The following SASH1 variants were observed in gnomAD, a reference collection of about 807,000 sequenced individuals.
SASH1 encodes the protein SAM and SH3 domain-containing protein 1.
A neutral mutation model predicts 125.2 loss-of-function variants in SASH1; 44 were observed. The ratio of observed to expected loss-of-function variants is 0.35; its 90% confidence interval spans 0.28 to 0.45. The LOEUF is 0.45. Ranked by LOEUF, SASH1 falls within the 20% of genes least tolerant of loss-of-function variation. SASH1 has a pLI of 1.00. For synonymous variants in SASH1, 639 were observed against 649.1 expected, an observed-to-expected ratio of 0.98 and a Z score of 0.24; for missense variants, 1,426 against 1,614.5, an observed-to-expected ratio of 0.88 and a Z score of 2.00.
At chr6:148,267,566 G>C (rs1778977140), upstream of SASH1, among the ~76,000 whole-genome samples, 1 of 152,056 alleles carries the variant, frequency 6.6e-6, no homozygotes, top group Admixed American at 6.6e-5. Flanking sequence ...TTTTAGTAGA[G>C]ACGGGGTTTC....
At chr6:148,509,450 G>C (rs11758014) in intron 8 of SASH1, 18,730 of 155,690 alleles carry the variant, frequency 0.12, 1,217 homozygotes, top group African/African-American at 0.15. Flanking sequence ...TTGTGACAGC[G>C]TGTCGTGTGT....
intron 18 of SASH1, among the ~76,000 whole-genome samples, chr6:148,545,356 A>G (rs967326803): frequency 6.6e-6 from 1 of 152,224 alleles, no homozygotes; most frequent in Admixed American, 6.5e-5. Context: ...TAAAATTCTC[A>G]TGACAATGAA....
chr6:148,527,255 T>G (rs1781233212), intron 11 of SASH1, 198 bp from the exon 12 acceptor site: 1 of 490,982 alleles, frequency 2.0e-6, no homozygotes, highest in East Asian at 3.7e-5. Context: ...ACATCCCACT[T>G]TAAGCAAACA....
Position 148,522,274 on chromosome 6 carries a change from A to G in SASH1, c.1209+2381A>G, listed in dbSNP as rs148518145. On this transcript the variant is annotated intron_variant, in intron 10 of 19. Transcript: ENST00000367467. ...CCTTTTCTTGTAGTACAGTTGTACA[A>G]TCAAACAAATTTAACTTTCTAATTA... Among the ~76,000 whole-genome samples, 278 of 152,360 alleles carry G rather than the reference A, an allele frequency of 1.8e-3. 1 individual carries two copies. Among genetic ancestry groups the G allele is most frequent in the African/African-American group, 6.5e-3 (272 of 41,586 alleles).
chr6:148,436,354 A>G (rs1776290452), intron 2 of SASH1, among the ~76,000 whole-genome samples: 1 of 152,016 alleles, frequency 6.6e-6, no homozygotes. Flanking sequence ...GTAGCCAGGC[A>G]TGATGGCATG....
intron 10 of SASH1, among the ~76,000 whole-genome samples, chr6:148,521,994 GAA>G (rs1780843588): frequency 6.6e-6 from 1 of 152,196 alleles, no homozygotes; most frequent in Non-Finnish European, 1.5e-5. Flanking sequence ...CTTGTCTCTA[GAA>G]GTTATATTTC....
chr6:148,392,521 C>A (rs1192905892), intron 2 of SASH1, among the ~76,000 whole-genome samples: 2 of 152,140 alleles, frequency 1.3e-5, no homozygotes, highest in African/African-American at 4.8e-5. Context: ...GGTTGGGTAC[C>A]ACTGCCCTAT....
intron 8 of SASH1, among the ~76,000 whole-genome samples, chr6:148,498,762 T>C (rs1779427907): frequency 6.6e-6 from 1 of 152,248 alleles, no homozygotes; most frequent in Non-Finnish European, 1.5e-5. Context: ...TTTTTTATTG[T>C]GCTCTTGGGA....
rs749886117 is a variant in SASH1, at chr6:148,343,200, T to C, written c.133T>C (p.Trp45Arg). ...AGTSEAFSRL[W>R]TDVMGILDGS... Reference sequence around the variant, plus strand: ...CACATCCGAGGCGTTCTCCCGACTCTGGACCGACGTGATGGGTATCCTGGT... The same window carrying C: ...CACATCCGAGGCGTTCTCCCGACTCCGGACCGACGTGATGGGTATCCTGGT... Residue 45 changes from tryptophan to arginine, a missense_variant, in exon 1 of 20, where the codon TGG becomes CGG. Trp to Arg is a moderately radical substitution (Grantham distance 101). This residue lies in a region of SASH1 where 567 missense variants were observed against 575.6 expected (regional missense o/e 0.99). Coordinates refer to ENST00000367467, the MANE Select transcript of SASH1 (RefSeq NM_015278.5). 1 of 1,598,142 alleles carries C rather than the reference T, an allele frequency of 6.3e-7. No homozygotes were observed. The highest frequency in any genetic ancestry group is 1.1e-5 in the South Asian group (1 of 90,770).
chr6:148,302,311 CAAAAA>C (rs1174644909), intron 1 of SASH1, among the ~76,000 whole-genome samples: 1,105 of 44,714 alleles, frequency 0.025, 24 homozygotes, highest in African/African-American at 0.078. Flanking sequence ...GACTCCGTCT[CAAAAA>C]AAAAAAAAAA....
intron 4 of SASH1, among the ~76,000 whole-genome samples, chr6:148,466,852 C>T (rs1223035124): frequency 6.6e-6 from 1 of 152,104 alleles, no homozygotes; most frequent in Non-Finnish European, 1.5e-5. Context: ...TGGCCTCCCA[C>T]TTTCTTGTCT....
rs1781253052 is a variant in SASH1, at chr6:148,527,527, G to T, written c.1359G>T (p.Lys453Asn). The T allele has an allele frequency of 6.2e-7, 1 of 1,609,484 alleles. No individual in the cohort carries two copies. Among genetic ancestry groups the T allele is most frequent in the African/African-American group, 1.3e-5 (1 of 74,806 alleles). ...PTASRISLGK[K>N]VKSVKETMRK... is the part of the protein sequence containing the mutation. ...CCTCTCGCATCTCTCTTGGGAAAAAGGTGAAATCAGTGAAAGAGACGATGA... is the reference window on the plus strand; with the variant it reads ...CCTCTCGCATCTCTCTTGGGAAAAATGTGAAATCAGTGAAAGAGACGATGA... Residue 453 changes from lysine (K) to asparagine (N), a missense_variant, in exon 12 of 20, where the codon AAG becomes AAT. Lys to Asn is a moderately conservative substitution (Grantham distance 94). This residue lies in a region of SASH1 where 225 missense variants were observed against 344.5 expected (regional missense o/e 0.65). Coordinates refer to ENST00000367467, the MANE Select transcript of SASH1 (RefSeq NM_015278.5).
At chr6:148,308,809 C>T (rs62433972) in intron 1 of SASH1, among the ~76,000 whole-genome samples, 40,532 of 150,470 alleles carry the variant, frequency 0.27, 5,622 homozygotes, top group South Asian at 0.35. Context: ...CTCTGCCAGA[C>T]GCAGTGGCTC....
chr6:148,359,014 C>T (rs1174985609), intron 1 of SASH1, among the ~76,000 whole-genome samples: 28 of 151,920 alleles, frequency 1.8e-4, no homozygotes, highest in South Asian at 1.7e-3. Context: ...GGATTACAGG[C>T]GTGAGCCACT....
In SASH1 at chr6:148,420,847, G is replaced by A. The variant is rs1364111897; in HGVS notation, c.286-19337G>A. ...TGTAATCCCAGCACTTTGGGAGGCT[G>A]AGGCGGGTGGATCATTTGAGGTCAG... On this transcript the variant is annotated intron_variant, in intron 2 of 19. Coordinates refer to ENST00000367467, the MANE Select transcript of SASH1 (RefSeq NM_015278.5). 4.6e-5 allele frequency among the ~76,000 whole-genome samples: 7 copies of A among 152,026 alleles called. No homozygotes were observed. In the South Asian group the frequency reaches 1.5e-3, roughly 32 times the overall value.
chr6:148,504,899 C>G (rs1425300171), intron 8 of SASH1, among the ~76,000 whole-genome samples: 1 of 152,164 alleles, frequency 6.6e-6, no homozygotes, highest in African/African-American at 2.4e-5. Flanking sequence ...AAGGTCGGCT[C>G]TCTCTCCCAT....
intron 1 of SASH1, among the ~76,000 whole-genome samples, chr6:148,346,680 T>C (rs969315286): frequency 2.0e-5 from 3 of 152,232 alleles, no homozygotes; most frequent in African/African-American, 7.2e-5. Context: ...AAGACACATG[T>C]GCCTGCTGTA....
intron 1 of SASH1, among the ~76,000 whole-genome samples, chr6:148,378,642 G>A (rs1040257208): frequency 3.3e-5 from 5 of 152,184 alleles, no homozygotes; most frequent in Non-Finnish European, 5.9e-5. Context: ...GTGAGCCACC[G>A]TGCCTGGTTG....
intron 1 of SASH1, among the ~76,000 whole-genome samples, chr6:148,304,766 G>A (rs111760828): frequency 0.066 from 10,069 of 152,216 alleles, 377 homozygotes; most frequent in African/African-American, 0.11. Flanking sequence ...CATGGCTCAC[G>A]CCTGTAATCC....
Sources: allele counts gnomAD v4.1 joint callset (sites outside exome capture counted in the v4.1 genomes callset), GRCh38; gene constraint gnomAD v4.1.1; regional missense constraint gnomAD v4.1.1; transcripts MANE v1.5; gene names NCBI Gene and HGNC (gene_info 2026-07-23, HGNC 2026-07-21).